Variants in ATAD2B observed in about 807,000 individuals in gnomAD.
ATAD2B encodes the protein ATPase family AAA domain containing 2B.
ATAD2B carries 40 observed loss-of-function variants against 167.6 expected under a neutral mutation model. The ratio of observed to expected loss-of-function variants is 0.24; its 90% confidence interval spans 0.19 to 0.31. ATAD2B has a LOEUF of 0.31. ATAD2B is among the 10% of genes least tolerant of loss of function. ATAD2B has a pLI of 1.00. For missense variants in ATAD2B, 1,242 were observed against 1,757.2 expected, an observed-to-expected ratio of 0.71 and a Z score of 5.24; for synonymous variants, 579 against 596.5, an observed-to-expected ratio of 0.97 and a Z score of 0.43.
At chr2:23,875,767 G>GA in intron 8 of ATAD2B, 62 bp downstream of exon 8, 1 of 1,105,172 alleles carries the variant, frequency 9.0e-7, no homozygotes, top group East Asian at 2.5e-5. Flanking sequence ...ATTAAAGAAA[G>GA]AAAGACACAA....
chr2:23,872,932 G>A (rs1423689512), intron 8 of ATAD2B: 2 of 761,408 alleles, frequency 2.6e-6, no homozygotes, highest in Admixed American at 1.7e-5. Context: ...GCTCACATTG[G>A]CATTGTACCA....
At chr2:23,806,798 G>A (rs1002093603) in intron 18 of ATAD2B, among the ~76,000 whole-genome samples, 4 of 152,070 alleles carry the variant, frequency 2.6e-5, no homozygotes, top group Admixed American at 6.6e-5. Flanking sequence ...ATAACCTCAT[G>A]GTGTCATCTC....
chr2:23,711,358 T>C, the ATAD2B span, among the ~76,000 whole-genome samples: 32,497 of 90,298 alleles, frequency 0.36, 7,270 homozygotes, highest in East Asian at 0.64. Context: ...TTTTTTTTTT[T>C]TTTTTTTTTT....
rs2150765965 is a variant in ATAD2B, at chr2:23,927,003, A to C, written c.-233T>G. ...GGTGCTGCAGACCGGCAGCACAGAC[A>C]CTCCGCCGGCTTCGCCCTCCTCAGC... is the stretch of plus-strand genomic sequence containing the variant. On this transcript the variant is annotated 5_prime_UTR_variant, in exon 1 of 28. Transcript: ENST00000238789. The C allele has an allele frequency of 2.0e-6, 1 of 498,920 alleles. No individual in the cohort carries two copies. 30.9% of individuals were successfully genotyped at this position (498,920 alleles called of 1,614,324 possible). A position where few individuals can be genotyped will look rare whatever the true frequency, so the allele number is the denominator to read the frequency against.
At position 23,925,353 on chromosome 2, in the gene ATAD2B, T is replaced by C. The variant is rs574170103; in HGVS notation, c.216+1202A>G. Among the ~76,000 whole-genome samples, 4 of 152,224 alleles carry C rather than the reference T, an allele frequency of 2.6e-5. No individual in the cohort carries two copies. The South Asian group carries it at 8.3e-4, about 31-fold the overall frequency. On this transcript the variant is annotated intron_variant, in intron 1 of 27. Coordinates refer to ENST00000238789, the MANE Select transcript of ATAD2B (RefSeq NM_017552.4). Reference sequence around the variant, plus strand: ...ATAAAAATATTTCAGAGTAGTATGGTAAAATATTCCTGTCTCTGCCTAGAT... The same window carrying C: ...ATAAAAATATTTCAGAGTAGTATGGCAAAATATTCCTGTCTCTGCCTAGAT...
At chr2:23,778,986 G>A (rs1166853149) in intron 22 of ATAD2B, among the ~76,000 whole-genome samples, 1 of 151,974 alleles carries the variant, frequency 6.6e-6, no homozygotes, top group Non-Finnish European at 1.5e-5. Context: ...ACAGTTGTAC[G>A]GGTTGTACCC....
At chr2:23,706,949 G>A in the ATAD2B span, 6 of 298,922 alleles carry the variant, frequency 2.0e-5, no homozygotes, top group East Asian at 6.3e-5. Context: ...AGAGTTTCAC[G>A]TATTTTTCAA....
chr2:23,913,290 G>A (rs1702560295), intron 1 of ATAD2B, among the ~76,000 whole-genome samples: 1 of 152,112 alleles, frequency 6.6e-6, no homozygotes, highest in African/African-American at 2.4e-5. Flanking sequence ...CAATTTGAAG[G>A]TGTCAATTCT....
At chr2:23,770,155 CAA>C (rs112669537) in intron 22 of ATAD2B, among the ~76,000 whole-genome samples, 1 of 138,822 alleles carries the variant, frequency 7.2e-6, no homozygotes, top group Non-Finnish European at 1.6e-5. Flanking sequence ...ACTAAAAATA[CAA>C]AAAAAAAAAA....
At chr2:23,720,149 T>G in the ATAD2B span, among the ~76,000 whole-genome samples, 41 of 152,256 alleles carry the variant, frequency 2.7e-4, no homozygotes, top group Admixed American at 5.9e-4. Context: ...TGACTAGAAA[T>G]ACCTGGCATT....
At chr2:23,696,581 C>T in the ATAD2B span, 1 of 1,263,106 alleles carries the variant, frequency 7.9e-7, no homozygotes, top group Non-Finnish European at 1.1e-6. The surrounding 1 kb of genome is among the most constrained non-coding windows in gnomAD (Gnocchi z 5.5). Flanking sequence ...ACGTCACTCA[C>T]TGTACCTCCC....
the ATAD2B span, among the ~76,000 whole-genome samples, chr2:23,723,568 A>G: frequency 7.2e-5 from 11 of 152,252 alleles, no homozygotes; most frequent in South Asian, 2.1e-3. Context: ...GCCAACAAAT[A>G]TATGAAAAAA....
chr2:23,807,932 A>T (rs1684758227), intron 18 of ATAD2B, among the ~76,000 whole-genome samples: 2 of 129,094 alleles, frequency 1.5e-5, no homozygotes, highest in Non-Finnish European at 3.2e-5. Context: ...ATATATTTAT[A>T]ATATATATAA....
Position 23,749,947 on chromosome 2 carries a change from T to C in ATAD2B, c.*2099A>G, listed in dbSNP as rs1444811040. On this transcript the variant is annotated 3_prime_UTR_variant, in exon 28 of 28. Transcript: ENST00000238789. ...GGAATAAATATTTAAAAAAAAATAG[T>C]GCAGCAAGAACCTGAGACTTGCAAA... 6.6e-6 allele frequency: 1 copy of C among 151,970 alleles called. No individual in the cohort carries two copies. Among genetic ancestry groups the C allele is most frequent in the Non-Finnish European group, 1.5e-5 (1 of 67,968 alleles). 9.4% of individuals were successfully genotyped at this position (151,970 alleles called of 1,614,324 possible). A position where few individuals can be genotyped will look rare whatever the true frequency, so the allele number is the denominator to read the frequency against.
At chr2:23,860,015 G>C (rs1025948433) in intron 12 of ATAD2B, among the ~76,000 whole-genome samples, 1 of 152,172 alleles carries the variant, frequency 6.6e-6, no homozygotes, top group Non-Finnish European at 1.5e-5. Flanking sequence ...TTTAAAAAGT[G>C]TGTAGGTCTT....
chr2:23,694,710 C>G, the ATAD2B span, among the ~76,000 whole-genome samples: 1 of 152,308 alleles, frequency 6.6e-6, no homozygotes, highest in East Asian at 1.9e-4. Flanking sequence ...CTTTCACTCT[C>G]TGACGCCTCT....
At chr2:23,858,489 C>CTTTTTTTT (rs34177847) in intron 12 of ATAD2B, among the ~76,000 whole-genome samples, 9 of 134,412 alleles carry the variant, frequency 6.7e-5, no homozygotes, top group Non-Finnish European at 1.1e-4. Flanking sequence ...CTGTCTCATT[C>CTTTTTTTT]TTTTTTTTTT....
intron 22 of ATAD2B, among the ~76,000 whole-genome samples, chr2:23,774,277 C>A (rs1558512315): frequency 6.6e-6 from 1 of 151,964 alleles, no homozygotes; most frequent in Non-Finnish European, 1.5e-5. Flanking sequence ...TAGCAAGATC[C>A]CATCTCTACA....
chr2:23,801,071 T>C (rs1467119041), intron 18 of ATAD2B, among the ~76,000 whole-genome samples: 1 of 152,162 alleles, frequency 6.6e-6, no homozygotes, highest in Non-Finnish European at 1.5e-5. Flanking sequence ...AGCTTTCTTT[T>C]AAATTCCTTA....
Sources: allele counts gnomAD v4.1 joint callset (sites outside exome capture counted in the v4.1 genomes callset), GRCh38; gene constraint gnomAD v4.1.1; non-coding constraint Gnocchi (gnomAD v3.1); transcripts MANE v1.5; gene names NCBI Gene and HGNC (gene_info 2026-07-23, HGNC 2026-07-21).